Variants in RALYL observed in about 807,000 individuals in gnomAD.
RALYL encodes the protein RALY RNA binding protein like, also known as RNA-binding Raly-like protein.
A neutral mutation model predicts 35.1 loss-of-function variants in RALYL; 29 were observed. The observed-to-expected ratio is 0.83, with a 90% CI of 0.61 to 1.13. The LOEUF (loss-of-function observed/expected upper bound fraction) is 1.13, where lower values mean the gene tolerates loss of function less well. Ranked by LOEUF, RALYL falls within the 50% of genes most tolerant of loss-of-function variation. RALYL has a pLI of 0.00. For synonymous variants in RALYL, 120 were observed against 127.6 expected (o/e 0.94, Z 0.40); for missense variants, 359 against 360.4 (o/e 1.00, Z 0.03).
At chr8:84,464,815 T>A (rs1157528514) in intron 1 of RALYL, among the ~76,000 whole-genome samples, 1 of 146,992 alleles carries the variant, frequency 6.8e-6, no homozygotes, top group Non-Finnish European at 1.5e-5. Flanking sequence ...GTTTCCTGAC[T>A]TTTTAATGAC....
At chr8:84,911,911 G>A (rs1847571825) in intron 8 of RALYL, among the ~76,000 whole-genome samples, 1 of 152,108 alleles carries the variant, frequency 6.6e-6, no homozygotes, top group African/African-American at 2.4e-5. Flanking sequence ...GTCTGGAAGG[G>A]TTTTGAGCAC....
At chr8:84,345,690 G>T (rs1452530678) in intron 1 of RALYL, among the ~76,000 whole-genome samples, 1 of 151,828 alleles carries the variant, frequency 6.6e-6, no homozygotes, top group East Asian at 1.9e-4. Flanking sequence ...CTAATATATA[G>T]AAACACATCT....
chr8:84,808,325 T>C (rs1825139908), intron 4 of RALYL, among the ~76,000 whole-genome samples: 1 of 152,090 alleles, frequency 6.6e-6, no homozygotes, highest in Non-Finnish European at 1.5e-5. Flanking sequence ...AGTATTTGGG[T>C]TTATTTCTGG....
At chr8:84,495,537 G>A (rs969933784) in intron 1 of RALYL, among the ~76,000 whole-genome samples, 3 of 151,994 alleles carry the variant, frequency 2.0e-5, no homozygotes, top group African/African-American at 4.8e-5. Context: ...ATTAAAAAAT[G>A]TGCAGATTTC....
chr8:84,302,571 G>T (rs907632657), intron 1 of RALYL, among the ~76,000 whole-genome samples: 2 of 152,092 alleles, frequency 1.3e-5, no homozygotes, highest in African/African-American at 4.8e-5. Flanking sequence ...CTGTAGTGCC[G>T]AAGAGCAAGG....
intron 2 of RALYL, among the ~76,000 whole-genome samples, chr8:84,554,184 C>T (rs1009498100): frequency 2.6e-5 from 4 of 152,082 alleles, no homozygotes; most frequent in Non-Finnish European, 5.9e-5. Flanking sequence ...AAGACATTTA[C>T]TCGTGTGTAG....
chr8:84,800,643 A>AT (rs1823017659), intron 3 of RALYL, among the ~76,000 whole-genome samples: 1 of 67,060 alleles, frequency 1.5e-5, no homozygotes, highest in Admixed American at 2.0e-4. Flanking sequence ...CTTAGGAAAG[A>AT]TAAAAAAAAT....
chr8:84,788,213 G>T (rs1291878113), intron 3 of RALYL, among the ~76,000 whole-genome samples: 3 of 151,984 alleles, frequency 2.0e-5, no homozygotes, highest in African/African-American at 7.2e-5. Context: ...TAAGGAAGGG[G>T]TCCAAAACAG....
intron 1 of RALYL, among the ~76,000 whole-genome samples, chr8:84,399,934 TG>T (rs1458136025): frequency 6.6e-6 from 1 of 152,142 alleles, no homozygotes; most frequent in African/African-American, 2.4e-5. Context: ...CTGGCCAACA[TG>T]GCGAAACCCT....
intron 1 of RALYL, among the ~76,000 whole-genome samples, chr8:84,343,975 G>A (rs1226006622): frequency 6.6e-6 from 1 of 151,742 alleles, no homozygotes; most frequent in Non-Finnish European, 1.5e-5. Flanking sequence ...GTGATATATG[G>A]CAATTGTTTT....
At chr8:84,623,179 G>A (rs1821942219) in intron 2 of RALYL, among the ~76,000 whole-genome samples, 1 of 152,148 alleles carries the variant, frequency 6.6e-6, no homozygotes, top group Non-Finnish European at 1.5e-5. Flanking sequence ...GCTGGGACAT[G>A]CTGTTAGATT....
At chr8:84,570,091 A>C (rs1807557918) in intron 2 of RALYL, among the ~76,000 whole-genome samples, 1 of 151,666 alleles carries the variant, frequency 6.6e-6, no homozygotes, top group South Asian at 2.1e-4. Context: ...CTTCCATGGG[A>C]ATTTTAGGAT....
intron 2 of RALYL, among the ~76,000 whole-genome samples, chr8:84,601,692 G>T (rs1815997759): frequency 6.6e-6 from 1 of 151,728 alleles, no homozygotes; most frequent in African/African-American, 2.4e-5. Context: ...ATAGCCAGCA[G>T]CTGTCTTCCT....
chr8:84,750,137 G>T (rs957403714), intron 2 of RALYL, among the ~76,000 whole-genome samples: 1 of 152,158 alleles, frequency 6.6e-6, no homozygotes, highest in African/African-American at 2.4e-5. Flanking sequence ...TCACTCCAGA[G>T]CCAGCCAGAA....
At chr8:84,475,062 C>G (rs1277356594) in intron 1 of RALYL, among the ~76,000 whole-genome samples, 1 of 151,782 alleles carries the variant, frequency 6.6e-6, no homozygotes, top group South Asian at 2.1e-4. Flanking sequence ...CCTCCCCCAG[C>G]CCCCCACCCA....
At chr8:84,311,674 C>A (rs1276052193) in intron 1 of RALYL, among the ~76,000 whole-genome samples, 2 of 152,034 alleles carry the variant, frequency 1.3e-5, no homozygotes, top group Non-Finnish European at 2.9e-5. Flanking sequence ...TACCTTATGT[C>A]ATGATTTCTG....
intron 1 of RALYL, among the ~76,000 whole-genome samples, chr8:84,416,727 C>T (rs2044748767): frequency 6.6e-6 from 1 of 152,088 alleles, no homozygotes; most frequent in Admixed American, 6.6e-5. Context: ...AGGTCCAGCC[C>T]TCTTTCAGAA....
At chr8:84,293,590 C>G (rs1022202141) in intron 1 of RALYL, among the ~76,000 whole-genome samples, 4 of 152,080 alleles carry the variant, frequency 2.6e-5, no homozygotes. Flanking sequence ...TACTCCAAAC[C>G]CATTGTGATA....
At chr8:84,906,689 TAA>T (rs112161041) in intron 8 of RALYL, among the ~76,000 whole-genome samples, 8 of 144,580 alleles carry the variant, frequency 5.5e-5, no homozygotes, top group African/African-American at 1.7e-4. Flanking sequence ...GTTAATTGAT[TAA>T]AAAAAAAAAA....
Sources: gnomAD v4.1 joint callset for allele counts (sites outside exome capture counted in the v4.1 genomes callset) on GRCh38, gnomAD v4.1.1 for gene constraint, MANE v1.5 for transcripts, NCBI Gene and HGNC (gene_info 2026-07-23, HGNC 2026-07-21) for gene names.